LHPP: variants seen among roughly 807,000 people sequenced by gnomAD.
LHPP encodes phospholysine phosphohistidine inorganic pyrophosphate phosphatase.
In LHPP, 24 loss-of-function variants were observed where a neutral mutation model predicts 30.3. That is an observed-to-expected ratio of 0.79 (90% CI 0.57 to 1.11). The LOEUF (loss-of-function observed/expected upper bound fraction) is 1.11, where lower values mean the gene tolerates loss of function less well. LHPP is among the 50% of genes most tolerant of loss of function. LHPP has a pLI of 0.00. For missense variants in LHPP, 356 were observed against 367.2 expected (o/e 0.97, Z 0.25); for synonymous variants, 150 against 157.1 (o/e 0.95, Z 0.34).
intron 6 of LHPP, among the ~76,000 whole-genome samples, chr10:124,560,814 A>G (rs1948383889): frequency 6.6e-6 from 1 of 152,192 alleles, no homozygotes; most frequent in East Asian, 1.9e-4. Context: ...TCAGAGACAC[A>G]TGATGCTTCT....
At chr10:124,546,472 G>A (rs1297843513) in intron 6 of LHPP, among the ~76,000 whole-genome samples, 2 of 152,234 alleles carry the variant, frequency 1.3e-5, no homozygotes, top group African/African-American at 2.4e-5. Context: ...GCGCGATCTC[G>A]GCTCACTGCA....
intron 3 of LHPP, among the ~76,000 whole-genome samples, chr10:124,494,133 A>T (rs1442386669): frequency 6.6e-6 from 1 of 152,228 alleles, no homozygotes; most frequent in East Asian, 1.9e-4. Flanking sequence ...CAGTTTTTTT[A>T]AAATCCCATC....
intron 6 of LHPP, among the ~76,000 whole-genome samples, chr10:124,527,176 C>T (rs373498093): frequency 4.9e-4 from 74 of 152,322 alleles, no homozygotes; most frequent in African/African-American, 1.7e-3. Context: ...GGGCTGGTGG[C>T]GCTTACAGCC....
chr10:124,471,453 AT>A (rs34901048), intron 1 of LHPP, among the ~76,000 whole-genome samples: 185 of 2,188 alleles, frequency 0.085, 21 homozygotes, highest in Middle Eastern at 0.38. Flanking sequence ...ATATTTATAT[AT>A]TTATATATAT....
chr10:124,499,473 A>G (rs932401244), intron 5 of LHPP, among the ~76,000 whole-genome samples: 2 of 151,346 alleles, frequency 1.3e-5, no homozygotes, highest in African/African-American at 4.9e-5. Flanking sequence ...ATGAAACCCC[A>G]TCTCTACTAA....
chr10:124,557,392 C>T (rs1174886794), intron 6 of LHPP, among the ~76,000 whole-genome samples: 3 of 152,172 alleles, frequency 2.0e-5, no homozygotes, highest in Non-Finnish European at 4.4e-5. Flanking sequence ...GGGATGGTGC[C>T]CAGGTAACCT....
chr10:124,599,050 CCT>C (rs946965725), intron 6 of LHPP, among the ~76,000 whole-genome samples: 2 of 151,426 alleles, frequency 1.3e-5, no homozygotes, highest in African/African-American at 2.4e-5. Flanking sequence ...TCCATCCATC[CCT>C]GTCCATCCAT....
chr10:124,574,606 C>T (rs115553921), intron 6 of LHPP, among the ~76,000 whole-genome samples: 1,720 of 152,188 alleles, frequency 0.011, 26 homozygotes, highest in African/African-American at 0.039. Flanking sequence ...AGTTTGGTGG[C>T]GCCGAGGGAG....
chr10:124,554,925 G>A (rs1948268533), intron 6 of LHPP, among the ~76,000 whole-genome samples: 1 of 152,248 alleles, frequency 6.6e-6, no homozygotes, highest in Admixed American at 6.5e-5. Context: ...AGCACCTGCT[G>A]TGTGCTCTTA....
At chr10:124,584,485 A>T (rs757438319) in intron 6 of LHPP, among the ~76,000 whole-genome samples, 6 of 152,070 alleles carry the variant, frequency 3.9e-5, no homozygotes, top group Non-Finnish European at 8.8e-5. Flanking sequence ...TGCTTTCAAG[A>T]TGGTGCCTCT....
chr10:124,603,685 C>G (rs2362509), intron 6 of LHPP, among the ~76,000 whole-genome samples: 91,852 of 151,716 alleles, frequency 0.61, 28,017 homozygotes, highest in East Asian at 0.78. Context: ...CTCGCCTCGG[C>G]ACTGATGTGG....
intron 6 of LHPP, among the ~76,000 whole-genome samples, chr10:124,569,650 G>T (rs143957197): frequency 1.3e-5 from 2 of 152,322 alleles, no homozygotes; most frequent in East Asian, 1.9e-4. Flanking sequence ...AGGGCTGGGG[G>T]ATCTCAGGGA....
intron 1 of LHPP, among the ~76,000 whole-genome samples, chr10:124,463,221 CT>C (rs35305882): frequency 0.7 from 106,562 of 151,440 alleles, 37,744 homozygotes; most frequent in East Asian, 0.89. Flanking sequence ...TTAAGTATAC[CT>C]TTTTTTTTTA....
intron 6 of LHPP, among the ~76,000 whole-genome samples, chr10:124,598,014 G>A (rs1948972259): frequency 6.6e-6 from 1 of 152,118 alleles, no homozygotes; most frequent in African/African-American, 2.4e-5. Flanking sequence ...GTGGGCCCTG[G>A]ACCAGGCTGC....
intron 5 of LHPP, among the ~76,000 whole-genome samples, chr10:124,505,211 A>G (rs534060031): frequency 6.6e-6 from 1 of 152,316 alleles, no homozygotes; most frequent in South Asian, 2.1e-4. Context: ...GGATGTGTAG[A>G]CATTTTAAAG....
At chr10:124,565,641 C>T (rs534190715) in intron 6 of LHPP, among the ~76,000 whole-genome samples, 5 of 152,258 alleles carry the variant, frequency 3.3e-5, no homozygotes, top group Non-Finnish European at 5.9e-5. Flanking sequence ...TACCCCACGC[C>T]GTGCGCCCCA....
At chr10:124,572,250 G>A (rs1373550006) in intron 6 of LHPP, among the ~76,000 whole-genome samples, 1 of 152,238 alleles carries the variant, frequency 6.6e-6, no homozygotes, top group Non-Finnish European at 1.5e-5. Flanking sequence ...GGGCAGAGCA[G>A]GGGGACTGCT....
chr10:124,486,142 G>A (rs915711958), intron 2 of LHPP, among the ~76,000 whole-genome samples: 5 of 152,046 alleles, frequency 3.3e-5, no homozygotes, highest in East Asian at 3.9e-4. Flanking sequence ...ATGTACACAC[G>A]TCAAGTGTAC....
At chr10:124,597,789 G>T (rs1245448519) in intron 6 of LHPP, among the ~76,000 whole-genome samples, 5 of 152,180 alleles carry the variant, frequency 3.3e-5, no homozygotes, top group East Asian at 1.9e-4. Context: ...ACCTCGGGGG[G>T]ATCTGGCCGT....
Sources: gnomAD v4.1 joint callset for allele counts (sites outside exome capture counted in the v4.1 genomes callset) on GRCh38, gnomAD v4.1.1 for gene constraint, MANE v1.5 for transcripts, NCBI Gene and HGNC (gene_info 2026-07-23, HGNC 2026-07-21) for gene names.